STK10: variants seen among roughly 807,000 people sequenced by gnomAD.
STK10 encodes the protein serine/threonine kinase 10, also known as serine/threonine-protein kinase 10.
In STK10, 78 loss-of-function variants were observed where a neutral mutation model predicts 113.8. That is an observed-to-expected ratio of 0.69 (90% CI 0.57 to 0.83). The LOEUF is 0.83. Ranked by LOEUF, STK10 falls within the 40% of genes least tolerant of loss-of-function variation. The probability of loss-of-function intolerance (pLI) is 0.00; values close to 1 mark genes in which losing one functional copy is unlikely to be tolerated. For missense variants in STK10, 1,109 were observed against 1,280.1 expected, an observed-to-expected ratio of 0.87 and a Z score of 2.04; for synonymous variants, 465 against 494.7, an observed-to-expected ratio of 0.94 and a Z score of 0.80.
Position 172,086,137 on chromosome 5 carries a change from T to C in STK10, c.1686-3053A>G, listed in dbSNP as rs151196481. On this transcript the variant is annotated intron_variant, in intron 10 of 18. Transcript: ENST00000176763. ...CTAACAATCTTTACCTGTTGGGTCC[T>C]TTGAAGGATAAATGAGATGACACAG... Among the ~76,000 whole-genome samples the C allele has an allele frequency of 2.7e-3, 407 of 152,312 alleles. 5 individuals are homozygous for C. The highest frequency in any genetic ancestry group is 2.7e-3 in the Admixed American group (41 of 15,302).
Position 172,181,736 on chromosome 5 carries a change from G to A in STK10, c.156+6151C>T, listed in dbSNP as rs191734820. Among the ~76,000 whole-genome samples the A allele has an allele frequency of 6.1e-3, 903 of 149,136 alleles. 11 individuals are homozygous for A. The highest frequency in any genetic ancestry group is 0.021 in the African/African-American group (868 of 40,532). ...TGACCTCAGGTTATGCTCCCACCTC[G>A]GGAGGTGGAGGTTGCAGTGAGCCAA... On this transcript the variant is annotated intron_variant, in intron 1 of 18. Coordinates refer to ENST00000176763, the MANE Select transcript of STK10 (RefSeq NM_005990.4).
chr5:172,110,914 C>A (rs899434972), intron 4 of STK10, among the ~76,000 whole-genome samples: 1 of 152,220 alleles, frequency 6.6e-6, no homozygotes, highest in Non-Finnish European at 1.5e-5. Context: ...TGAGGCTGAA[C>A]TAAGACCCCC....
Position 172,047,899 on chromosome 5 carries a change from G to GTTT in STK10, c.2767-2880_2767-2878dup, listed in dbSNP as rs11438537. Among the ~76,000 whole-genome samples the GTTT allele has an allele frequency of 2.6e-3, 287 of 109,748 alleles. 5 individuals carry two copies. The highest frequency in any genetic ancestry group is 6.5e-3 in the African/African-American group (169 of 26,018). 72.0% of individuals were successfully genotyped at this position (109,748 alleles called of 152,430 possible). On this transcript the variant is annotated intron_variant, in intron 18 of 18. Coordinates refer to ENST00000176763, the MANE Select transcript of STK10 (RefSeq NM_005990.4). ...CACACTGAGGTCCCATGTTTTTTGG[G>GTTT]TTTTTTTTTTTTTTTTTTTTTGAGA...
At chr5:172,103,756 T>A (rs79647445) in intron 7 of STK10, among the ~76,000 whole-genome samples, 14,980 of 151,972 alleles carry the variant, frequency 0.099, 835 homozygotes, top group Non-Finnish European at 0.12. Context: ...CTTTTCATTT[T>A]TAAAAAAATA....
intron 12 of STK10, among the ~76,000 whole-genome samples, chr5:172,067,391 A>AG (rs374896047): frequency 6.4e-5 from 4 of 62,420 alleles, no homozygotes; most frequent in African/African-American, 1.3e-4. Flanking sequence ...ATAAATAAAT[A>AG]AATAAATAAA....
intron 9 of STK10, 113 bp from the exon 10 acceptor site, chr5:172,090,475 G>T (rs1768675136): frequency 7.0e-7 from 1 of 1,421,718 alleles, no homozygotes; most frequent in Non-Finnish European, 9.5e-7. Context: ...ACCACCCCCA[G>T]AGAGATGTGG....
At chr5:172,087,873 C>T (rs1244688031) in intron 10 of STK10, among the ~76,000 whole-genome samples, 5 of 100,816 alleles carry the variant, frequency 5.0e-5, no homozygotes, top group South Asian at 2.8e-4. Context: ...CATGATCCAC[C>T]CGCCTCGGCC....
intron 10 of STK10, among the ~76,000 whole-genome samples, chr5:172,085,764 A>G (rs1008093366): frequency 2.6e-5 from 4 of 151,894 alleles, no homozygotes; most frequent in Non-Finnish European, 5.9e-5. Context: ...CCAAACTACT[A>G]CAGAAAGAAC....
intron 2 of STK10, among the ~76,000 whole-genome samples, chr5:172,128,765 G>A (rs3776762): frequency 6.6e-6 from 1 of 152,000 alleles, no homozygotes; most frequent in South Asian, 2.1e-4. Flanking sequence ...ACCCAGCTCA[G>A]CAGAGGCCCT....
At chr5:172,111,846 GAGAC>G (rs1253435096) in intron 4 of STK10, among the ~76,000 whole-genome samples, 1 of 152,194 alleles carries the variant, frequency 6.6e-6, no homozygotes, top group East Asian at 1.9e-4. Context: ...AATAAATAAA[GAGAC>G]AGAATTTGCT....
intron 10 of STK10, among the ~76,000 whole-genome samples, chr5:172,089,444 GGA>G (rs1768642972): frequency 1.3e-5 from 2 of 149,242 alleles, no homozygotes; most frequent in Non-Finnish European, 3.0e-5. Flanking sequence ...ATGGATGGAT[GGA>G]TGGTTAGGTA....
intron 1 of STK10, among the ~76,000 whole-genome samples, chr5:172,175,463 G>C (rs1770741580): frequency 1.3e-5 from 2 of 152,116 alleles, no homozygotes; most frequent in Non-Finnish European, 2.9e-5. Flanking sequence ...GAGACACCCT[G>C]CACTGCAGGC....
chr5:172,175,844 A>G (rs1402029501), intron 1 of STK10, among the ~76,000 whole-genome samples: 3 of 152,120 alleles, frequency 2.0e-5, no homozygotes, highest in Non-Finnish European at 4.4e-5. Flanking sequence ...AAGCTATGTG[A>G]CCCTGAGTAA....
At chr5:172,056,900 G>GAGAA (rs752539716) in intron 15 of STK10, 60 of 120,408 alleles carry the variant, frequency 5.0e-4, no homozygotes, top group South Asian at 1.4e-3. Context: ...AAAGAAAGAA[G>GAGAA]AGAAAGAAAG....
chr5:172,061,257 A>C lies in STK10; in HGVS notation c.2094T>G (p.Phe698Leu). Residue 698 changes from phenylalanine to leucine, a missense_variant, in exon 14 of 19, where the codon TTT becomes TTG. Transcript: ENST00000176763. ...TQKKQLLDRD[F>L]VAKQKEDLEL... ...CCAGGTCCTCCTTCTGCTTGGCTAC[A>C]AAGTCCCGGTCCTGTGGGGAGAGAG... 16 of 1,612,118 alleles carry C rather than the reference A, an allele frequency of 9.9e-6. No homozygotes were observed. Among genetic ancestry groups the C allele is most frequent in the Non-Finnish European group, 1.1e-5 (13 of 1,179,694 alleles).
chr5:172,178,390 G>A (rs776665713), intron 1 of STK10, among the ~76,000 whole-genome samples: 3 of 152,002 alleles, frequency 2.0e-5, no homozygotes, highest in Non-Finnish European at 2.9e-5. Flanking sequence ...CCCGCCTGCC[G>A]TACCAGGTGG....
chr5:172,184,801 C>T (rs1359163798), intron 1 of STK10, among the ~76,000 whole-genome samples: 5 of 151,996 alleles, frequency 3.3e-5, no homozygotes, highest in African/African-American at 9.7e-5. Context: ...ATAGGGCACG[C>T]GCCACCACAC....
intron 4 of STK10, among the ~76,000 whole-genome samples, chr5:172,109,539 T>C (rs554632742): frequency 6.6e-6 from 1 of 152,170 alleles, no homozygotes; most frequent in African/African-American, 2.4e-5. Context: ...AACCCTGGGC[T>C]CAAGCAATCC....
At chr5:172,090,113 T>C in intron 10 of STK10, 119 bp downstream of exon 10, 1 of 1,446,228 alleles carries the variant, frequency 6.9e-7, no homozygotes, top group Non-Finnish European at 9.3e-7. Flanking sequence ...TCCTTTTGCC[T>C]CCTTGATTCC....
Sources: gnomAD v4.1 joint callset for allele counts (sites outside exome capture counted in the v4.1 genomes callset) on GRCh38, gnomAD v4.1.1 for gene constraint, MANE v1.5 for transcripts, NCBI Gene and HGNC (gene_info 2026-07-23, HGNC 2026-07-21) for gene names.